The following RAI1 variants were observed in gnomAD, a reference collection of about 807,000 sequenced individuals.
The protein encoded by RAI1 is retinoic acid induced 1.
RAI1 carries 9 observed loss-of-function variants against 123.8 expected under a neutral mutation model. That is an observed-to-expected ratio of 0.07 (90% CI 0.04 to 0.13). The LOEUF (loss-of-function observed/expected upper bound fraction) is 0.13, where lower values mean the gene tolerates loss of function less well. RAI1 is among the 10% of genes least tolerant of loss of function. RAI1 has a pLI of 1.00. For missense variants in RAI1, 2,256 were observed against 2,545.8 expected, an observed-to-expected ratio of 0.89 and a Z score of 2.45; for synonymous variants, 1,231 against 1,127.3, an observed-to-expected ratio of 1.09 and a Z score of -1.84.
At chr17:17,782,630 G>A (rs2031633255) in intron 2 of RAI1, among the ~76,000 whole-genome samples, 1 of 150,426 alleles carries the variant, frequency 6.6e-6, no homozygotes, top group South Asian at 2.1e-4. Context: ...GGGGGTTGGG[G>A]GGGCGACGAG....
At chr17:17,706,408 CAA>C (rs1472569731) in intron 1 of RAI1, among the ~76,000 whole-genome samples, 7 of 152,182 alleles carry the variant, frequency 4.6e-5, no homozygotes, top group Non-Finnish European at 7.3e-5. Flanking sequence ...ATAGGTGAAA[CAA>C]GAGGCCAGCT....
intron 2 of RAI1, among the ~76,000 whole-genome samples, chr17:17,757,513 TC>T (rs1177768753): frequency 6.6e-6 from 1 of 151,698 alleles, no homozygotes; most frequent in Non-Finnish European, 1.5e-5. Flanking sequence ...CGCTCCACCT[TC>T]CCCCTCGGGC....
At chr17:17,706,832 A>G (rs980558751) in intron 1 of RAI1, among the ~76,000 whole-genome samples, 2 of 152,246 alleles carry the variant, frequency 1.3e-5, no homozygotes, top group South Asian at 4.1e-4. Flanking sequence ...CCACAGGGGA[A>G]AAGTTTTTAA....
rs990396638 is a variant in RAI1 at position 17,810,722 on chromosome 17, T to G, written c.*741T>G. On this transcript the variant is annotated 3_prime_UTR_variant, in exon 6 of 6. Transcript: ENST00000353383. This position sits in a 1 kb window ranked among gnomAD's most constrained non-coding sequence, Gnocchi z 4.6. ...TGGGACACCCTTTGGCCTCTGTTTG[T>G]CCCCTTTCCAGTCCTCCACCCCACC... is the stretch of plus-strand genomic sequence containing the variant. The G allele has an allele frequency of 4.6e-6, 2 of 431,414 alleles. No individual in the cohort carries two copies. Among genetic ancestry groups the G allele is most frequent in the Non-Finnish European group, 9.5e-6 (2 of 210,172 alleles). 26.7% of individuals were successfully genotyped at this position (431,414 alleles called of 1,614,324 possible). A position where few individuals can be genotyped will look rare whatever the true frequency, so the allele number is the denominator to read the frequency against.
chr17:17,797,668 G>A lies in RAI1; in HGVS notation c.4720G>A (p.Glu1574Lys). 6.2e-7 allele frequency: 1 copy of A among 1,613,848 alleles called. No individual in the cohort carries two copies. Among genetic ancestry groups the A allele is most frequent in the Non-Finnish European group, 8.5e-7 (1 of 1,179,962 alleles). The change falls in exon 3 of 6, where the codon GAA (glutamate) becomes AAA (lysine). Residue 1574 changes from glutamate to lysine, a missense_variant. By Grantham distance (56) the Glu-to-Lys change is moderately conservative. Transcript: ENST00000353383. The part of the protein sequence containing the change: ...QVLPLDPAEP[E>K]IRLKYISSCK... ...GCTGCCCCTGGATCCCGCAGAGCCT[G>A]AAATCCGCCTCAAGTACATTTCCTC...
chr17:17,725,115 C>T, intron 2 of RAI1, among the ~76,000 whole-genome samples: 1 of 144,854 alleles, frequency 6.9e-6, no homozygotes, highest in East Asian at 2.0e-4. Context: ...CCTGGGATGG[C>T]GCCGGGGCAG....
intron 1 of RAI1, among the ~76,000 whole-genome samples, chr17:17,698,639 C>G (rs1035182336): frequency 1.2e-4 from 18 of 152,366 alleles, no homozygotes; most frequent in African/African-American, 3.6e-4. Flanking sequence ...CTTCCCCTGC[C>G]TGCACCCCCA....
At chr17:17,748,111 CT>C (rs1162458036) in intron 2 of RAI1, among the ~76,000 whole-genome samples, 1 of 152,190 alleles carries the variant, frequency 6.6e-6, no homozygotes, top group Non-Finnish European at 1.5e-5. Context: ...AAAGGCATGT[CT>C]TACATGGTGG....
At chr17:17,735,439 C>T (rs779729007) in intron 2 of RAI1, among the ~76,000 whole-genome samples, 50 of 143,182 alleles carry the variant, frequency 3.5e-4, no homozygotes, top group Middle Eastern at 4.6e-3. Flanking sequence ...CTGCAATCTC[C>T]GCCTCCCGGG....
At chr17:17,767,396 T>TA (rs948373629) in intron 2 of RAI1, among the ~76,000 whole-genome samples, 2 of 150,618 alleles carry the variant, frequency 1.3e-5, no homozygotes, top group African/African-American at 2.4e-5. Flanking sequence ...TTGGTCTTTT[T>TA]AAAAAAACTC....
intron 2 of RAI1, among the ~76,000 whole-genome samples, chr17:17,735,620 G>A (rs147634707): frequency 0.018 from 2,726 of 152,256 alleles, 68 homozygotes; most frequent in African/African-American, 0.055. Context: ...GCCTCCCAAA[G>A]TGCTGGGAAT....
intron 2 of RAI1, among the ~76,000 whole-genome samples, chr17:17,773,540 TG>T (rs1289318564): frequency 6.6e-6 from 1 of 152,226 alleles, no homozygotes; most frequent in Non-Finnish European, 1.5e-5. Flanking sequence ...TAGGCCTTAA[TG>T]GCACATCTAT....
At chr17:17,798,839 C>T (rs1051474715) in intron 3 of RAI1, among the ~76,000 whole-genome samples, 6 of 152,204 alleles carry the variant, frequency 3.9e-5, no homozygotes, top group African/African-American at 1.2e-4. Flanking sequence ...CCCATGCTGT[C>T]ACCGGAGATG....
chr17:17,796,836 G>A lies in RAI1; in HGVS notation c.3888G>A (p.Glu1296=). ...CTGCCACAAAGCTCCCACCCCCGGA[G>A]ACCCCCGATGCCTGCCTCAAGCTCG... ...GEPATKLPPP[E]TPDACLKLAS... Residue 1296 remains glutamate, a synonymous_variant, in exon 3 of 6, where the codon GAG becomes GAA. Transcript: ENST00000353383. The surrounding 1 kb of genome is among the most constrained non-coding windows in gnomAD (Gnocchi z 5.8). 1 of 1,611,288 alleles carries A rather than the reference G, an allele frequency of 6.2e-7. No individual in the cohort carries two copies. Among genetic ancestry groups the A allele is most frequent in the Non-Finnish European group, 8.5e-7 (1 of 1,178,642 alleles).
At chr17:17,740,986 G>A (rs1345264584) in intron 2 of RAI1, among the ~76,000 whole-genome samples, 5 of 152,038 alleles carry the variant, frequency 3.3e-5, no homozygotes, top group Admixed American at 6.5e-5. Flanking sequence ...AGGCAGTGTG[G>A]GGAGAGGGCA....
Position 17,809,639 on chromosome 17 carries a change from C to T in RAI1, c.5709+200C>T, listed in dbSNP as rs1005738766. The stretch of plus-strand genomic sequence containing the variant: ...AGGTCCCTGTCCACTTGCGCGCCGC[C>T]GCCGCCGAAAACCCGCAGGCGTCGG... On this transcript the variant is annotated intron_variant, in intron 5 of 5. Coordinates refer to ENST00000353383, the MANE Select transcript of RAI1 (RefSeq NM_030665.4). The surrounding 1 kb of genome is among the most constrained non-coding windows in gnomAD (Gnocchi z 4.9). Among the ~76,000 whole-genome samples, 2 of 152,094 alleles carry T rather than the reference C, an allele frequency of 1.3e-5. No homozygotes were observed. The highest frequency in any genetic ancestry group is 4.8e-5 in the African/African-American group (2 of 41,428).
chr17:17,731,779 T>A (rs1188989005), intron 2 of RAI1, among the ~76,000 whole-genome samples: 8 of 152,140 alleles, frequency 5.3e-5, no homozygotes, highest in Admixed American at 3.9e-4. Context: ...CCCAACCTCT[T>A]GCCTAAGCCC....
chr17:17,685,777 A>C lies in RAI1; in HGVS notation c.-149+3984A>C, dbSNP rs981859031. Among the ~76,000 whole-genome samples the C allele has an allele frequency of 4.6e-5, 7 of 152,084 alleles. No homozygotes were observed. Among genetic ancestry groups the C allele is most frequent in the African/African-American group, 1.7e-4 (7 of 41,390 alleles). ...AGTTCTTCCCATGCTGTCCAGGGCC[A>C]TTTCTGGTGTCCTCTGCCTGCCCTG... is the stretch of plus-strand genomic sequence containing the variant. On this transcript the variant is annotated intron_variant, in intron 1 of 5. Coordinates refer to ENST00000353383, the MANE Select transcript of RAI1 (RefSeq NM_030665.4). The surrounding 1 kb of genome is among the most constrained non-coding windows in gnomAD (Gnocchi z 4.0).
chr17:17,688,578 T>C (rs983285459), intron 1 of RAI1, among the ~76,000 whole-genome samples: 1 of 152,120 alleles, frequency 6.6e-6, no homozygotes, highest in African/African-American at 2.4e-5. Context: ...GCTGGGCTGT[T>C]AGGCAGTTGT....
Sources: gnomAD v4.1 joint callset for allele counts (sites outside exome capture counted in the v4.1 genomes callset) on GRCh38, gnomAD v4.1.1 for gene constraint, Gnocchi (gnomAD v3.1) non-coding constraint, MANE v1.5 for transcripts, NCBI Gene and HGNC (gene_info 2026-07-23, HGNC 2026-07-21) for gene names.